The following DLG2 variants were observed in gnomAD, a reference collection of about 807,000 sequenced individuals.
The protein encoded by DLG2 is discs large MAGUK scaffold protein 2.
DLG2 carries 45 observed loss-of-function variants against 132.5 expected under a neutral mutation model. The ratio of observed to expected loss-of-function variants is 0.34; its 90% CI spans 0.27 to 0.44. The LOEUF (loss-of-function observed/expected upper bound fraction) is 0.44. Ranked by LOEUF, DLG2 falls within the 20% of genes least tolerant of loss-of-function variation. DLG2 has a pLI of 1.00. For synonymous variants in DLG2, 424 were observed against 419.6 expected, an observed-to-expected ratio of 1.01 and a Z score of -0.13; for missense variants, 1,045 against 1,196.9, an observed-to-expected ratio of 0.87 and a Z score of 1.87.
At chr11:84,455,216 G>A (rs2154482750) in intron 7 of DLG2, among the ~76,000 whole-genome samples, 1 of 151,306 alleles carries the variant, frequency 6.6e-6, no homozygotes, top group South Asian at 2.1e-4. Context: ...TTTCACACCT[G>A]TCCATTTCTG....
intron 21 of DLG2, among the ~76,000 whole-genome samples, chr11:83,489,634 TA>T: frequency 6.6e-6 from 1 of 152,086 alleles, no homozygotes; most frequent in East Asian, 1.9e-4. Flanking sequence ...ATTGCAATAT[TA>T]AGAGCTGAAA....
chr11:84,626,132 G>A (rs922230657), intron 6 of DLG2, among the ~76,000 whole-genome samples: 4 of 152,192 alleles, frequency 2.6e-5, no homozygotes, highest in African/African-American at 9.6e-5. Flanking sequence ...TGAGGCAGGC[G>A]TGTTGCCCCT....
chr11:84,839,641 C>T (rs1374522117), intron 6 of DLG2, among the ~76,000 whole-genome samples: 1 of 152,120 alleles, frequency 6.6e-6, no homozygotes, highest in Non-Finnish European at 1.5e-5. Context: ...AGTACCAAAA[C>T]AGTTATCTAG....
intron 10 of DLG2, among the ~76,000 whole-genome samples, chr11:84,078,142 A>T (rs1208824332): frequency 6.6e-6 from 1 of 152,174 alleles, no homozygotes. Flanking sequence ...TTTCAAAATC[A>T]GTCCATGTTT....
chr11:83,997,186 C>A (rs868670450), intron 11 of DLG2, among the ~76,000 whole-genome samples: 1 of 151,860 alleles, frequency 6.6e-6, no homozygotes, highest in African/African-American at 2.4e-5. Context: ...GACTTACTGC[C>A]TTATTTCTGA....
At chr11:83,689,153 A>G (rs1472650881) in intron 18 of DLG2, among the ~76,000 whole-genome samples, 1 of 152,164 alleles carries the variant, frequency 6.6e-6, no homozygotes, top group Non-Finnish European at 1.5e-5. Context: ...GAGCAATGGC[A>G]TCTAATAACT....
chr11:85,604,950 C>G (rs948650146), intron 2 of DLG2, among the ~76,000 whole-genome samples: 1 of 152,106 alleles, frequency 6.6e-6, no homozygotes, highest in Non-Finnish European at 1.5e-5. Context: ...TACATAAAAT[C>G]ATTTGCCATG....
At chr11:83,742,282 A>G (rs1050423414) in intron 18 of DLG2, among the ~76,000 whole-genome samples, 3 of 151,720 alleles carry the variant, frequency 2.0e-5, no homozygotes, top group African/African-American at 7.3e-5. Context: ...AATTTGACTG[A>G]CTGTAGTAAT....
intron 19 of DLG2, among the ~76,000 whole-genome samples, chr11:83,561,624 C>T (rs2096610611): frequency 6.6e-6 from 1 of 152,180 alleles, no homozygotes; most frequent in Non-Finnish European, 1.5e-5. Context: ...GAATCACATA[C>T]AGTGCTGAGA....
At chr11:84,812,030 C>T (rs549336041) in intron 6 of DLG2, among the ~76,000 whole-genome samples, 2 of 152,200 alleles carry the variant, frequency 1.3e-5, no homozygotes, top group African/African-American at 4.8e-5. Flanking sequence ...CACAGTTATT[C>T]TCTGTCTACC....
chr11:85,166,733 T>A (rs1015790968), intron 4 of DLG2, among the ~76,000 whole-genome samples: 4 of 152,188 alleles, frequency 2.6e-5, no homozygotes, highest in African/African-American at 9.6e-5. Flanking sequence ...ACAGTAAGTT[T>A]ATTACCATCT....
At chr11:84,656,767 A>C (rs2099688807) in intron 6 of DLG2, among the ~76,000 whole-genome samples, 1 of 152,182 alleles carries the variant, frequency 6.6e-6, no homozygotes, top group African/African-American at 2.4e-5. Flanking sequence ...CATCTGTTAA[A>C]GGGACATAAG....
chr11:84,771,481 G>C (rs1020743444), intron 6 of DLG2, among the ~76,000 whole-genome samples: 4 of 151,936 alleles, frequency 2.6e-5, no homozygotes, highest in African/African-American at 9.7e-5. Context: ...TTGTGAATTT[G>C]TTTAAGTTCC....
At chr11:85,216,833 T>A (rs963161525) in intron 4 of DLG2, among the ~76,000 whole-genome samples, 1 of 151,932 alleles carries the variant, frequency 6.6e-6, no homozygotes, top group Non-Finnish European at 1.5e-5. Context: ...ATAGCTGGGA[T>A]TACAGGCACC....
At chr11:83,638,813 C>G (rs887166214) in intron 18 of DLG2, among the ~76,000 whole-genome samples, 4 of 152,156 alleles carry the variant, frequency 2.6e-5, no homozygotes, top group Non-Finnish European at 5.9e-5. Context: ...AAAGCTGCTG[C>G]TATTTTCAGG....
At chr11:84,781,295 G>A (rs890847975) in intron 6 of DLG2, among the ~76,000 whole-genome samples, 1 of 151,954 alleles carries the variant, frequency 6.6e-6, no homozygotes, top group African/African-American at 2.4e-5. Flanking sequence ...AGATATTTTA[G>A]TAGTTTTGAC....
At chr11:84,674,399 T>C (rs2099709175) in intron 6 of DLG2, among the ~76,000 whole-genome samples, 1 of 152,082 alleles carries the variant, frequency 6.6e-6, no homozygotes, top group Admixed American at 6.6e-5. Context: ...ATTAAATAAG[T>C]ATTTATTGAG....
At chr11:83,851,218 A>G (rs1025781278) in intron 16 of DLG2, among the ~76,000 whole-genome samples, 3 of 151,946 alleles carry the variant, frequency 2.0e-5, no homozygotes, top group African/African-American at 7.3e-5. Context: ...AACTGTCCCA[A>G]TACCCCAGAA....
chr11:85,387,189 T>G (rs1281531995), intron 3 of DLG2, among the ~76,000 whole-genome samples: 1 of 152,130 alleles, frequency 6.6e-6, no homozygotes, highest in Non-Finnish European at 1.5e-5. Context: ...GAATATCCTT[T>G]CTTAATGAAA....
Sources: allele counts gnomAD v4.1 joint callset (sites outside exome capture counted in the v4.1 genomes callset), GRCh38; gene constraint gnomAD v4.1.1; transcripts MANE v1.5; gene names NCBI Gene and HGNC (gene_info 2026-07-23, HGNC 2026-07-21).